The following DTNBP1 variants were observed in gnomAD, a reference collection of about 807,000 sequenced individuals.
DTNBP1 encodes the protein dystrobrevin binding protein 1.
DTNBP1 carries 35 observed loss-of-function variants against 42.8 expected under a neutral mutation model. That is an observed-to-expected ratio of 0.82 (90% CI 0.63 to 1.09). DTNBP1 has a LOEUF of 1.09. DTNBP1 is among the 50% of genes least tolerant of loss of function. The pLI is 0.00. For synonymous variants in DTNBP1, 171 were observed against 162.2 expected (o/e 1.05, Z -0.41); for missense variants, 457 against 424.2 (o/e 1.08, Z -0.68).
chr6:15,523,126 C>CAGGTGGAGGAAGAAGA lies in DTNBP1; in HGVS notation c.889_904dup (p.Cys302PhefsTer16). ...GATGTCCCGGGTGGCCGAGTCGGTG[C>CAGGTGGAGGAAGAAGA]AGGTGGAGGAAGAAGAAGGTGGCTT... On this transcript the variant is annotated frameshift_variant, in exon 10 of 10. Coordinates refer to ENST00000344537, the MANE Select transcript of DTNBP1 (RefSeq NM_032122.5). LOFTEE classifies it low-confidence loss of function (END_TRUNC). 1.2e-6 allele frequency: 2 copies of CAGGTGGAGGAAGAAGA among 1,614,184 alleles called. No individual in the cohort carries two copies. Among genetic ancestry groups the CAGGTGGAGGAAGAAGA allele is most frequent in the Admixed American group, 3.3e-5 (2 of 60,020 alleles).
chr6:15,597,309 A>G (rs1224004023), intron 6 of DTNBP1, among the ~76,000 whole-genome samples: 1 of 152,218 alleles, frequency 6.6e-6, no homozygotes, highest in African/African-American at 2.4e-5. Context: ...GGCCTCCTGG[A>G]GAAGCAAGGA....
At chr6:15,555,021 C>A (rs769957738) in intron 7 of DTNBP1, among the ~76,000 whole-genome samples, 1 of 151,662 alleles carries the variant, frequency 6.6e-6, no homozygotes, top group Non-Finnish European at 1.5e-5. Flanking sequence ...AAAGCCTAAT[C>A]ATGGTTAGCC....
chr6:15,575,335 A>C (rs1032785109), intron 7 of DTNBP1, among the ~76,000 whole-genome samples: 2 of 152,226 alleles, frequency 1.3e-5, no homozygotes, highest in Non-Finnish European at 2.9e-5. Flanking sequence ...CAGACTGAAT[A>C]TGAGAGAAAC....
intron 7 of DTNBP1, chr6:15,585,901 A>G (rs12524251): frequency 0.14 from 206,050 of 1,423,126 alleles, 16,181 homozygotes; most frequent in East Asian, 0.28. Context: ...AGGTTTTTCC[A>G]AAGAAATTGT....
At chr6:15,631,726 T>C (rs1028315897) in intron 4 of DTNBP1, among the ~76,000 whole-genome samples, 1 of 152,104 alleles carries the variant, frequency 6.6e-6, no homozygotes, top group African/African-American at 2.4e-5. Context: ...CCTAGGGTAA[T>C]GAGATCCCCC....
intron 7 of DTNBP1, among the ~76,000 whole-genome samples, chr6:15,589,373 T>C (rs962774853): frequency 6.6e-6 from 1 of 152,250 alleles, no homozygotes; most frequent in Non-Finnish European, 1.5e-5. Context: ...CCACTAAAAG[T>C]GTTCTTCCCC....
At chr6:15,638,261 G>A (rs1022509766) in intron 3 of DTNBP1, among the ~76,000 whole-genome samples, 7 of 152,002 alleles carry the variant, frequency 4.6e-5, no homozygotes, top group Admixed American at 1.3e-4. Flanking sequence ...CCGAGTAGCT[G>A]GGATTACAGG....
intron 7 of DTNBP1, among the ~76,000 whole-genome samples, chr6:15,591,121 T>C (rs1307840070): frequency 2.0e-5 from 3 of 151,786 alleles, no homozygotes; most frequent in Non-Finnish European, 2.9e-5. Context: ...TTTTTTTTTT[T>C]TTTTTGAGAC....
Position 15,523,237 on chromosome 6 carries a change from G to A in DTNBP1, c.812-18C>T, listed in dbSNP as rs1772039444. On this transcript the variant is annotated intron_variant, in intron 9 of 9. Coordinates refer to ENST00000344537, the MANE Select transcript of DTNBP1 (RefSeq NM_032122.5). The stretch of plus-strand genomic sequence containing the variant: ...TTCAGGCCCTGCAAAATAACGTAGG[G>A]AAGAAAAAGCCCTGTCATAAAAATA... 6.2e-7 allele frequency: 1 copy of A among 1,613,720 alleles called. No individual in the cohort carries two copies. Among genetic ancestry groups the A allele is most frequent in the Non-Finnish European group, 8.5e-7 (1 of 1,179,868 alleles).
chr6:15,523,127 A>G lies in DTNBP1; in HGVS notation c.904T>C (p.Cys302Arg). Residue 302 changes from cysteine to arginine, a missense_variant, in exon 10 of 10, where the codon TGC becomes CGC. By Grantham distance (180) the Cys-to-Arg change is radical (BLOSUM62 -3). Transcript: ENST00000344537. ...RAKPPSSSSTCTDSATRDISE... is the reference protein window; with the variant it reads ...RAKPPSSSSTRTDSATRDISE... ...ATGTCCCGGGTGGCCGAGTCGGTGC[A>G]GGTGGAGGAAGAAGAAGGTGGCTTG... 1 of 1,614,236 alleles carries G rather than the reference A, an allele frequency of 6.2e-7. No individual in the cohort carries two copies. Among genetic ancestry groups the G allele is most frequent in the South Asian group, 1.1e-5 (1 of 91,080 alleles).
chr6:15,523,923 T>TGA (rs1303755143), intron 9 of DTNBP1: 14 of 1,287,228 alleles, frequency 1.1e-5, no homozygotes, highest in Non-Finnish European at 1.4e-5. Context: ...CTGGGACGAC[T>TGA]GAGCTTTGCC....
At chr6:15,603,783 A>G (rs1776821686) in intron 6 of DTNBP1, among the ~76,000 whole-genome samples, 1 of 152,172 alleles carries the variant, frequency 6.6e-6, no homozygotes, top group African/African-American at 2.4e-5. Flanking sequence ...TCCACTTCCC[A>G]ATACCTCAGT....
At chr6:15,601,681 TAAA>T (rs553025129) in intron 6 of DTNBP1, among the ~76,000 whole-genome samples, 1 of 140,868 alleles carries the variant, frequency 7.1e-6, no homozygotes. Flanking sequence ...CCGTCTCTAC[TAAA>T]AAAAAAAAAA....
chr6:15,651,037 G>C (rs1443719842), intron 3 of DTNBP1, among the ~76,000 whole-genome samples: 2 of 152,112 alleles, frequency 1.3e-5, no homozygotes, highest in Non-Finnish European at 2.9e-5. Flanking sequence ...CTCAAATCCA[G>C]AATCAATTTT....
At chr6:15,540,531 G>A (rs921491026) in intron 7 of DTNBP1, among the ~76,000 whole-genome samples, 1 of 152,174 alleles carries the variant, frequency 6.6e-6, no homozygotes, top group African/African-American at 2.4e-5. Flanking sequence ...ATTCTCTCGT[G>A]TTGCTGAATT....
chr6:15,556,646 G>A (rs964913355), intron 7 of DTNBP1, among the ~76,000 whole-genome samples: 3 of 152,184 alleles, frequency 2.0e-5, no homozygotes, highest in Admixed American at 1.3e-4. Flanking sequence ...TGGCTGACAA[G>A]CAGCCACCTG....
In DTNBP1 at chr6:15,580,639, A is replaced by G. The variant is rs568780672; in HGVS notation, c.511+12420T>C. 5.9e-5 allele frequency among the ~76,000 whole-genome samples: 9 copies of G among 152,380 alleles called. 1 individual carries two copies. The South Asian group carries it at 1.4e-3, about 25-fold the overall frequency. On this transcript the variant is annotated intron_variant, in intron 7 of 9. Coordinates refer to ENST00000344537, the MANE Select transcript of DTNBP1 (RefSeq NM_032122.5). ...GATATGTCTATATATGTGTGTGTGT[A>G]TATAAACCTCAAAAATGTTTGAGGC...
intron 6 of DTNBP1, among the ~76,000 whole-genome samples, chr6:15,596,269 G>A (rs1776512351): frequency 6.6e-6 from 1 of 152,108 alleles, no homozygotes; most frequent in Non-Finnish European, 1.5e-5. Context: ...GCATGAGTTC[G>A]GTTTGGAAAT....
At chr6:15,577,351 G>A (rs1561969814) in intron 7 of DTNBP1, among the ~76,000 whole-genome samples, 1 of 152,240 alleles carries the variant, frequency 6.6e-6, no homozygotes, top group Non-Finnish European at 1.5e-5. Flanking sequence ...GAGGGTAAGT[G>A]CAGAGGCAGG....
Sources: allele counts gnomAD v4.1 joint callset (sites outside exome capture counted in the v4.1 genomes callset), GRCh38; gene constraint gnomAD v4.1.1; transcripts MANE v1.5; gene names NCBI Gene and HGNC (gene_info 2026-07-23, HGNC 2026-07-21).